The following C8orf34 variants were observed in gnomAD, a reference collection of about 807,000 sequenced individuals.
C8orf34 encodes chromosome 8 open reading frame 34, also known as uncharacterized protein C8orf34.
In C8orf34, 65 loss-of-function variants were observed where a neutral mutation model predicts 68.3. That is an observed-to-expected ratio of 0.95 (90% confidence interval 0.78 to 1.17). The LOEUF is 1.17. Ranked by LOEUF, C8orf34 falls within the 50% of genes most tolerant of loss-of-function variation. The pLI, the probability that C8orf34 is intolerant of heterozygous loss-of-function variation, is 0.00. For synonymous variants in C8orf34, 244 were observed against 241.2 expected, an observed-to-expected ratio of 1.01 and a Z score of -0.11; for missense variants, 664 against 655.4, an observed-to-expected ratio of 1.01 and a Z score of -0.14.
Position 68,778,338 on chromosome 8 carries a change from A to T in C8orf34, c.1455+1889A>T, listed in dbSNP as rs184498582. ...GCAAACATTTGCTTTTATTTAGTAC[A>T]CAATAAAACTCAAACCATAGTGTTT... is the stretch of plus-strand genomic sequence containing the variant. On this transcript the variant is annotated intron_variant, in intron 11 of 13. Transcript: ENST00000518698. Among the ~76,000 whole-genome samples, 524 of 152,304 alleles carry T rather than the reference A, an allele frequency of 3.4e-3. 3 individuals carry two copies. Among genetic ancestry groups the T allele is most frequent in the African/African-American group, 0.012 (506 of 41,576 alleles).
At chr8:68,356,725 T>C (rs931680765) in intron 1 of C8orf34, among the ~76,000 whole-genome samples, 30 of 152,106 alleles carry the variant, frequency 2.0e-4, no homozygotes, top group African/African-American at 6.5e-4. Context: ...ATAAAAACAT[T>C]TAAAGATAAA....
intron 7 of C8orf34, among the ~76,000 whole-genome samples, chr8:68,556,424 T>C (rs73268455): frequency 0.27 from 41,471 of 151,830 alleles, 9,038 homozygotes; most frequent in African/African-American, 0.61. Context: ...AAATAATTTT[T>C]TGTGATTATT....
chr8:68,342,619 T>TGTTAAGTC (rs1806118632), intron 1 of C8orf34, among the ~76,000 whole-genome samples: 2 of 152,200 alleles, frequency 1.3e-5, no homozygotes, highest in African/African-American at 2.4e-5. Context: ...TGAGTAGCAT[T>TGTTAAGTC]GTTAAGTCTA....
chr8:68,778,396 A>G (rs1479584216), intron 11 of C8orf34, among the ~76,000 whole-genome samples: 1 of 152,170 alleles, frequency 6.6e-6, no homozygotes, highest in Non-Finnish European at 1.5e-5. Flanking sequence ...TTCTTACTAA[A>G]GTTTGAACAG....
chr8:68,373,400 A>C (rs77117212), intron 1 of C8orf34, among the ~76,000 whole-genome samples: 4,203 of 152,332 alleles, frequency 0.028, 77 homozygotes, highest in Middle Eastern at 0.058. Context: ...CTCTCTACTC[A>C]TAGGAATTCT....
At position 68,486,894 on chromosome 8, in the gene C8orf34, A is replaced by T. The variant is rs544515252; in HGVS notation, c.737-1129A>T. Among the ~76,000 whole-genome samples, 17 of 152,092 alleles carry T rather than the reference A, an allele frequency of 1.1e-4. No homozygotes were observed. In the East Asian group the frequency reaches 3.3e-3, roughly 29 times the overall value. ...GGCTTCAAACTTTAGACCTTTCCTT[A>T]TCTCTTGGCTCGTTCCCTACAGGGG... On this transcript the variant is annotated intron_variant, in intron 4 of 13. Coordinates refer to ENST00000518698, the MANE Select transcript of C8orf34 (RefSeq NM_052958.4).
intron 2 of C8orf34, among the ~76,000 whole-genome samples, chr8:68,445,265 A>G (rs1517116): frequency 0.66 from 99,737 of 151,948 alleles, 32,951 homozygotes; most frequent in African/African-American, 0.73. Context: ...ATAAGTGAGT[A>G]GCCAGAGAAA....
intron 3 of C8orf34, among the ~76,000 whole-genome samples, chr8:68,455,808 T>C (rs1170354570): frequency 6.6e-6 from 1 of 152,100 alleles, no homozygotes; most frequent in East Asian, 1.9e-4. Flanking sequence ...AAATATTGCC[T>C]GGAATAAATA....
chr8:68,683,221 C>T (rs537436370), intron 8 of C8orf34, among the ~76,000 whole-genome samples: 76 of 151,846 alleles, frequency 5.0e-4, no homozygotes, highest in African/African-American at 1.7e-3. Flanking sequence ...TAGAATATTG[C>T]TTTGGGAACT....
chr8:68,805,484 G>T (rs1264661654), intron 12 of C8orf34, among the ~76,000 whole-genome samples: 3 of 152,062 alleles, frequency 2.0e-5, no homozygotes, highest in African/African-American at 4.8e-5. Context: ...GTTTCTCTTT[G>T]TATCAGTTCC....
chr8:68,675,836 T>C (rs761218807), intron 8 of C8orf34, among the ~76,000 whole-genome samples: 23 of 152,134 alleles, frequency 1.5e-4, no homozygotes, highest in Non-Finnish European at 2.5e-4. Flanking sequence ...CAGTGATGTA[T>C]TGCCTACAAC....
At chr8:68,615,056 G>A (rs867492719) in intron 7 of C8orf34, among the ~76,000 whole-genome samples, 1 of 149,304 alleles carries the variant, frequency 6.7e-6, no homozygotes, top group Non-Finnish European at 1.5e-5. Context: ...AAGCAATTGT[G>A]AATGGGAGTT....
intron 12 of C8orf34, among the ~76,000 whole-genome samples, chr8:68,799,808 A>G (rs763010169): frequency 2.6e-5 from 4 of 152,220 alleles, no homozygotes; most frequent in Non-Finnish European, 4.4e-5. Flanking sequence ...GAAATATCAC[A>G]GAGTTGACAG....
chr8:68,546,776 C>A (rs942028684), intron 7 of C8orf34, among the ~76,000 whole-genome samples: 1 of 151,590 alleles, frequency 6.6e-6, no homozygotes, highest in Non-Finnish European at 1.5e-5. Context: ...AATTAGAAAT[C>A]CATCATGGAC....
intron 8 of C8orf34, 105 bp from the exon 9 acceptor site, chr8:68,708,889 G>C (rs888186409): frequency 1.3e-6 from 1 of 771,892 alleles, no homozygotes; most frequent in Non-Finnish European, 2.2e-6. Context: ...ATGCATATCT[G>C]AGTTTAGAGT....
At chr8:68,759,346 A>G (rs775256992) in intron 10 of C8orf34, among the ~76,000 whole-genome samples, 5 of 152,230 alleles carry the variant, frequency 3.3e-5, no homozygotes, top group Admixed American at 1.3e-4. Flanking sequence ...TCATTCAAAT[A>G]AAAACAACAG....
intron 2 of C8orf34, among the ~76,000 whole-genome samples, chr8:68,443,849 C>T (rs1811013654): frequency 6.6e-6 from 1 of 152,102 alleles, no homozygotes; most frequent in Non-Finnish European, 1.5e-5. Flanking sequence ...CCTTAAAAGT[C>T]TATCATTTAA....
chr8:68,722,577 G>T (rs1821706554), intron 10 of C8orf34, among the ~76,000 whole-genome samples: 1 of 151,954 alleles, frequency 6.6e-6, no homozygotes, highest in Non-Finnish European at 1.5e-5. Flanking sequence ...TATTTTCCCA[G>T]ACCCTATTTA....
rs575085655 is a variant in C8orf34, at chr8:68,527,157, G to A, written c.938+5186G>A. ...GTGGGATATTATGGCTCAAGAGGAG[G>A]CGTTCACATGTCCAGGATGCCCCCT... On this transcript the variant is annotated intron_variant, in intron 6 of 13. Transcript: ENST00000518698. Among the ~76,000 whole-genome samples the A allele has an allele frequency of 3.9e-5, 6 of 152,262 alleles. No homozygotes were observed. The East Asian group carries it at 1.2e-3, about 29-fold the overall frequency.
Sources: gnomAD v4.1 joint callset for allele counts (sites outside exome capture counted in the v4.1 genomes callset) on GRCh38, gnomAD v4.1.1 for gene constraint, MANE v1.5 for transcripts, NCBI Gene and HGNC (gene_info 2026-07-23, HGNC 2026-07-21) for gene names.